Variants in SCMH1 observed in about 807,000 individuals in gnomAD.
The protein encoded by SCMH1 is polycomb protein SCMH1.
Under a neutral mutation model 70.8 loss-of-function variants are expected in SCMH1, and 37 were observed. That is an observed-to-expected ratio of 0.52 (90% CI 0.40 to 0.69). The LOEUF (loss-of-function observed/expected upper bound fraction) is 0.69. SCMH1 is among the 30% of genes least tolerant of loss of function. The probability of loss-of-function intolerance (pLI) is 0.00; values close to 1 mark genes in which losing one functional copy is unlikely to be tolerated. For synonymous variants in SCMH1, 292 were observed against 307.4 expected (o/e 0.95, Z 0.52); for missense variants, 607 against 827.3 (o/e 0.73, Z 3.27).
chr1:41,039,327 A>G (rs1407773003), intron 12 of SCMH1, among the ~76,000 whole-genome samples: 1 of 152,210 alleles, frequency 6.6e-6, no homozygotes, highest in African/African-American at 2.4e-5. Context: ...AGGGTCTGAA[A>G]ATCTGGACTG....
At chr1:41,034,123 A>G in intron 13 of SCMH1, 75 bp from the exon 14 acceptor site, 1 of 1,541,212 alleles carries the variant, frequency 6.5e-7, no homozygotes, top group South Asian at 1.2e-5. Flanking sequence ...GGAAGACCTG[A>G]GAGGTGAGAT....
chr1:41,057,542 G>T (rs188407664), intron 10 of SCMH1, among the ~76,000 whole-genome samples: 193 of 152,130 alleles, frequency 1.3e-3, no homozygotes, highest in Non-Finnish European at 2.4e-3. Flanking sequence ...GAGCCACTGC[G>T]CCTGGCCCTA....
chr1:41,042,359 C>T (rs1217991330), intron 12 of SCMH1, among the ~76,000 whole-genome samples: 3 of 152,058 alleles, frequency 2.0e-5, no homozygotes, highest in Non-Finnish European at 4.4e-5. Context: ...AGCGATTCTC[C>T]TGCCTCAGCC....
intron 2 of SCMH1, among the ~76,000 whole-genome samples, chr1:41,171,917 C>T (rs923001491): frequency 2.0e-5 from 3 of 152,062 alleles, no homozygotes; most frequent in Middle Eastern, 3.2e-3. Flanking sequence ...GATGGCTGGG[C>T]GCGGTGGCTC....
intron 8 of SCMH1, among the ~76,000 whole-genome samples, chr1:41,097,186 T>C (rs1050039590): frequency 4.6e-5 from 7 of 152,214 alleles, no homozygotes; most frequent in East Asian, 1.9e-4. Context: ...TGGAAACTCA[T>C]CTGGACAACT....
chr1:41,227,904 G>A (rs919910342), intron 1 of SCMH1, among the ~76,000 whole-genome samples: 1 of 152,192 alleles, frequency 6.6e-6, no homozygotes, highest in Non-Finnish European at 1.5e-5. Flanking sequence ...TGTGAACCCT[G>A]GAGGTGGAGG....
intron 7 of SCMH1, among the ~76,000 whole-genome samples, chr1:41,116,528 A>G (rs1670503776): frequency 6.6e-6 from 1 of 152,232 alleles, no homozygotes; most frequent in Non-Finnish European, 1.5e-5. Flanking sequence ...TAGTATATAT[A>G]AAGTCCCAAA....
intron 1 of SCMH1, among the ~76,000 whole-genome samples, chr1:41,202,001 C>T (rs1274446501): frequency 2.0e-5 from 3 of 152,090 alleles, no homozygotes; most frequent in Admixed American, 1.3e-4. Context: ...AACACATGTC[C>T]AGTTTCACTT....
In SCMH1 at chr1:41,176,636, C is replaced by T. The variant is rs575619353; in HGVS notation, c.13+9485G>A. On this transcript the variant is annotated intron_variant, in intron 2 of 14. Transcript: ENST00000337495. ...CCTGGCTCGGAGGGTCCTATGCCCA[C>T]GGAGCCTCGCTCATTGCTAGCACAG... 2.8e-4 allele frequency among the ~76,000 whole-genome samples: 43 copies of T among 152,316 alleles called. No individual in the cohort carries two copies. The South Asian group carries it at 8.3e-3, about 29-fold the overall frequency.
chr1:41,140,762 C>CA (rs1294865973), intron 6 of SCMH1, among the ~76,000 whole-genome samples: 2 of 151,782 alleles, frequency 1.3e-5, no homozygotes, highest in Admixed American at 6.6e-5. Context: ...ATATTTGGGG[C>CA]AAAAAATATA....
intron 1 of SCMH1, among the ~76,000 whole-genome samples, chr1:41,209,352 T>C (rs11811294): frequency 0.11 from 16,373 of 152,190 alleles, 1,007 homozygotes; most frequent in South Asian, 0.18. Flanking sequence ...GGGAATCCTC[T>C]CTAACTCATT....
At chr1:41,137,801 A>T (rs571610594) in intron 6 of SCMH1, among the ~76,000 whole-genome samples, 2 of 152,308 alleles carry the variant, frequency 1.3e-5, no homozygotes, top group South Asian at 4.1e-4. Flanking sequence ...TGGGCACTTT[A>T]TCTCAGCCTC....
At chr1:41,225,784 G>A (rs1300878317) in intron 1 of SCMH1, among the ~76,000 whole-genome samples, 1 of 152,214 alleles carries the variant, frequency 6.6e-6, no homozygotes, top group African/African-American at 2.4e-5. Context: ...GCAAGAAGCA[G>A]TGACTGAACT....
At chr1:41,046,511 T>A in exon 12 of SCMH1, 3 of 1,614,236 alleles carry the variant, frequency 1.9e-6, no homozygotes, top group Non-Finnish European at 1.7e-6. Context: ...ACGAAGGTTG[T>A]GGCAGAGTTT....
intron 8 of SCMH1, among the ~76,000 whole-genome samples, chr1:41,087,479 C>T (rs1325077024): frequency 1.3e-5 from 2 of 151,126 alleles, no homozygotes; most frequent in African/African-American, 4.9e-5. Context: ...GACCTATAAT[C>T]ACACGGGTAA....
chr1:41,085,907 C>T (rs1326223686), intron 8 of SCMH1, among the ~76,000 whole-genome samples: 2 of 133,084 alleles, frequency 1.5e-5, no homozygotes, highest in African/African-American at 2.9e-5. Context: ...GTGGCGTGAA[C>T]TCGGCTCACT....
intron 10 of SCMH1, among the ~76,000 whole-genome samples, chr1:41,064,241 T>G (rs932837900): frequency 1.6e-4 from 25 of 152,186 alleles, no homozygotes; most frequent in Admixed American, 4.6e-4. Flanking sequence ...AGGGAAATTT[T>G]CTCAACTTAA....
chr1:41,241,348 C>G lies in SCMH1; in HGVS notation c.-118+711G>C, dbSNP rs369955341. Among the ~76,000 whole-genome samples the G allele has an allele frequency of 4.6e-5, 7 of 152,374 alleles. No individual in the cohort carries two copies. The East Asian group carries it at 1.4e-3, about 29-fold the overall frequency. On this transcript the variant is annotated intron_variant, in intron 1 of 14. Coordinates refer to ENST00000337495, the Ensembl canonical transcript of SCMH1. ...ACAACTGTGCCCACGTGTCTGGCCC[C>G]CAGGGCCGCTGTGGCTCACTTCGGT... is the stretch of plus-strand genomic sequence containing the variant.
intron 8 of SCMH1, among the ~76,000 whole-genome samples, chr1:41,111,209 T>A (rs1226826764): frequency 6.6e-6 from 1 of 152,208 alleles, no homozygotes; most frequent in Non-Finnish European, 1.5e-5. Context: ...GTAAATCAAA[T>A]CTTGTCACTT....
Sources: gnomAD v4.1 joint callset for allele counts (sites outside exome capture counted in the v4.1 genomes callset) on GRCh38, gnomAD v4.1.1 for gene constraint, MANE v1.5 for transcripts, NCBI Gene and HGNC (gene_info 2026-07-23, HGNC 2026-07-21) for gene names.